The following CACNA1C variants were observed in gnomAD, a reference collection of about 807,000 sequenced individuals.
The protein encoded by CACNA1C is calcium voltage-gated channel subunit alpha1 C, also known as voltage-dependent L-type calcium channel subunit alpha-1C.
Under a neutral mutation model 229.0 loss-of-function variants are expected in CACNA1C, and 30 were observed. The ratio of observed to expected loss-of-function variants is 0.13; its 90% CI spans 0.10 to 0.18. CACNA1C has a LOEUF of 0.18. Among genes scored for constraint, CACNA1C ranks in the 10% least tolerant of loss-of-function variants. CACNA1C has a pLI of 1.00. For missense variants in CACNA1C, 1,658 were observed against 2,845.0 expected, an observed-to-expected ratio of 0.58 and a Z score of 9.49; for synonymous variants, 1,114 against 1,132.5, an observed-to-expected ratio of 0.98 and a Z score of 0.33.
At chr12:2,635,362 T>C (rs555361481) in intron 30 of CACNA1C, among the ~76,000 whole-genome samples, 1 of 152,238 alleles carries the variant, frequency 6.6e-6, no homozygotes, top group Non-Finnish European at 1.5e-5. Context: ...CTTCTTGCGG[T>C]CTTTAACATG....
intron 3 of CACNA1C, among the ~76,000 whole-genome samples, chr12:2,422,000 C>A (rs2098984165): frequency 6.6e-6 from 1 of 151,976 alleles, no homozygotes; most frequent in African/African-American, 2.4e-5. Context: ...ATACCTTTCT[C>A]TGTTCCTCCA....
intron 45 of CACNA1C, among the ~76,000 whole-genome samples, chr12:2,686,849 G>A (rs1357453332): frequency 1.3e-5 from 2 of 152,226 alleles, no homozygotes; most frequent in African/African-American, 4.8e-5. Flanking sequence ...ACATGCCTTA[G>A]TATCTTTGAA....
In CACNA1C at chr12:2,653,646, A is replaced by T. The variant is rs1233078973; in HGVS notation, c.4075-189A>T. On this transcript the variant is annotated intron_variant, in intron 32 of 46. Transcript: ENST00000399655. The surrounding 1 kb of genome is among the most constrained non-coding windows in gnomAD (Gnocchi z 4.7). ...GCTTTGAAAACCAAGCTGAAATGGG[A>T]AGTCAGTTCCGGTTTCTCAGACCTT... Among the ~76,000 whole-genome samples the T allele has an allele frequency of 6.6e-6, 1 of 152,144 alleles. No homozygotes were observed. The highest frequency in any genetic ancestry group is 1.5e-5 in the Non-Finnish European group (1 of 68,024).
At chr12:2,179,777 G>T (rs1340457675) in intron 3 of CACNA1C, among the ~76,000 whole-genome samples, 2 of 152,194 alleles carry the variant, frequency 1.3e-5, no homozygotes, top group Non-Finnish European at 2.9e-5. Context: ...CTGTTCAATG[G>T]ATATATGCTT....
intron 3 of CACNA1C, among the ~76,000 whole-genome samples, chr12:2,247,881 A>G (rs963986418): frequency 2.0e-5 from 3 of 152,190 alleles, no homozygotes; most frequent in Non-Finnish European, 2.9e-5. Context: ...GAAACAGTAC[A>G]TGGAAAGGAG....
At chr12:2,661,173 G>A (rs1445188964) in intron 34 of CACNA1C, among the ~76,000 whole-genome samples, 3 of 151,842 alleles carry the variant, frequency 2.0e-5, no homozygotes, top group Non-Finnish European at 4.4e-5. Context: ...GTAGCGGGAG[G>A]ATCACTTGGG....
intron 1 of CACNA1C, among the ~76,000 whole-genome samples, chr12:2,014,758 A>T (rs547955663): frequency 6.6e-6 from 1 of 152,282 alleles, no homozygotes; most frequent in South Asian, 2.1e-4. Context: ...GGTCTCAGTT[A>T]TTCTTGGACA....
chr12:2,096,861 C>G (rs35386560), intron 1 of CACNA1C, among the ~76,000 whole-genome samples: 35,423 of 152,210 alleles, frequency 0.23, 5,260 homozygotes, highest in Non-Finnish European at 0.32. Context: ...TTACTTCACT[C>G]AGCACCATGT....
rs538213015 is a variant in CACNA1C, at chr12:2,024,386, A to G, written c.139+53185A>G. Among the ~76,000 whole-genome samples the G allele has an allele frequency of 2.6e-5, 4 of 152,266 alleles. No homozygotes were observed. The South Asian group carries it at 8.3e-4, about 32-fold the overall frequency. ...GAAACCCAAAATAACAGTGAATTTA[A>G]GGGGGGTAGACATTTATTTCTCTCT... is the stretch of plus-strand genomic sequence containing the variant. On this transcript the variant is annotated intron_variant, in intron 1 of 46. Transcript: ENST00000682462.
chr12:1,987,785 T>C (rs980709509), intron 1 of CACNA1C, among the ~76,000 whole-genome samples: 1 of 152,214 alleles, frequency 6.6e-6, no homozygotes, highest in Non-Finnish European at 1.5e-5. Context: ...TAACTATGTA[T>C]TATGATTTGC....
chr12:2,238,862 C>A (rs563523208), intron 3 of CACNA1C, among the ~76,000 whole-genome samples: 142 of 152,278 alleles, frequency 9.3e-4, no homozygotes, highest in Middle Eastern at 3.4e-3. Flanking sequence ...AATGCCTAAC[C>A]CTGGTTTTGG....
At chr12:2,187,407 C>A (rs2097070967) in intron 3 of CACNA1C, among the ~76,000 whole-genome samples, 1 of 152,184 alleles carries the variant, frequency 6.6e-6, no homozygotes, top group Non-Finnish European at 1.5e-5. Flanking sequence ...AAATGATTTG[C>A]ATGAGGAACT....
At chr12:2,445,535 T>C (rs575373960) in intron 3 of CACNA1C, among the ~76,000 whole-genome samples, 2 of 152,272 alleles carry the variant, frequency 1.3e-5, no homozygotes, top group African/African-American at 4.8e-5. Context: ...AGGATAGGCT[T>C]TTTTTGGGAA....
At position 2,379,167 on chromosome 12, in the gene CACNA1C, A is replaced by G. The variant is rs556974712; in HGVS notation, c.478-69809A>G. ...TTTGACAGAACCGAGGGAGGGTGGC[A>G]GGGCAGGGAGGCACAAGCTGCAGAG... On this transcript the variant is annotated intron_variant, in intron 3 of 46. Transcript: ENST00000399655. Among the ~76,000 whole-genome samples the G allele has an allele frequency of 5.1e-4, 77 of 152,304 alleles. 1 individual carries two copies. Among genetic ancestry groups the G allele is most frequent in the African/African-American group, 1.4e-3 (59 of 41,576 alleles).
chr12:1,971,760 A>G lies in CACNA1C; in HGVS notation c.139+559A>G, dbSNP rs2032050477. Among the ~76,000 whole-genome samples the G allele has an allele frequency of 6.6e-6, 1 of 152,178 alleles. No homozygotes were observed. The highest frequency in any genetic ancestry group is 2.4e-5 in the African/African-American group (1 of 41,446). On this transcript the variant is annotated intron_variant, in intron 1 of 46. Coordinates refer to the CACNA1C transcript ENST00000682462. This position sits in a 1 kb window ranked among gnomAD's most constrained non-coding sequence, Gnocchi z 4.2. ...AGCATGGTGCATTAGTTCATTTTGC[A>G]TGTTCTTTGGGGATTTGCCTTATCT...
At chr12:2,298,336 G>A (rs776003443) in intron 3 of CACNA1C, among the ~76,000 whole-genome samples, 1 of 151,924 alleles carries the variant, frequency 6.6e-6, no homozygotes, top group Non-Finnish European at 1.5e-5. Flanking sequence ...GTCTCGCTCT[G>A]TTGCCAGGCT....
At chr12:2,475,575 A>C (rs2099622646) in intron 5 of CACNA1C, among the ~76,000 whole-genome samples, 1 of 152,242 alleles carries the variant, frequency 6.6e-6, no homozygotes, top group African/African-American at 2.4e-5. Flanking sequence ...GAATACAATC[A>C]CTGAAATGAA....
At position 2,634,282 on chromosome 12, in the gene CACNA1C, C is replaced by T. The variant is rs772883852; in HGVS notation, c.3829-15C>T. 6.8e-7 allele frequency: 1 copy of T among 1,471,132 alleles called. No homozygotes were observed. The highest frequency in any genetic ancestry group is 1.3e-5 in the South Asian group (1 of 79,366). 91.1% of individuals were successfully genotyped at this position (1,471,132 alleles called of 1,614,324 possible). On this transcript the variant is annotated splice_polypyrimidine_tract_variant and intron_variant, in intron 29 of 46. Coordinates refer to ENST00000399655, the MANE Select transcript of CACNA1C (RefSeq NM_000719.7). ...TTCTTCTTCTCTCTCTCCCCGGCTG[C>T]TCTGCCCCATGCAGCACTATTTCTG...
At position 2,597,863 on chromosome 12, in the gene CACNA1C, C is replaced by T. The variant is rs918448796; in HGVS notation, c.2853+574C>T. On this transcript the variant is annotated intron_variant, in intron 21 of 46. Coordinates refer to ENST00000399655, the MANE Select transcript of CACNA1C (RefSeq NM_000719.7). This position sits in a 1 kb window ranked among gnomAD's most constrained non-coding sequence, Gnocchi z 4.3. ...TCCGGTTAACTGATACCTGAGCCCA[C>T]GTAGGACTCTCCTTCCCTCCTCCTG... 1.3e-5 allele frequency among the ~76,000 whole-genome samples: 2 copies of T among 152,250 alleles called. No homozygotes were observed. The highest frequency in any genetic ancestry group is 2.4e-5 in the African/African-American group (1 of 41,470).
Sources: allele counts gnomAD v4.1 joint callset (sites outside exome capture counted in the v4.1 genomes callset), GRCh38; gene constraint gnomAD v4.1.1; non-coding constraint Gnocchi (gnomAD v3.1); transcripts MANE v1.5; gene names NCBI Gene and HGNC (gene_info 2026-07-23, HGNC 2026-07-21).